Variants in AP4E1 observed in about 807,000 individuals in gnomAD.
AP4E1 encodes the protein AP-4 complex subunit epsilon-1.
AP4E1 carries 56 observed loss-of-function variants against 128.2 expected under a neutral mutation model. The observed-to-expected ratio is 0.44, with a 90% CI of 0.35 to 0.55. AP4E1 has a LOEUF of 0.55. Among genes scored for constraint, AP4E1 ranks in the 20% least tolerant of loss-of-function variants. The pLI is 0.00. For synonymous variants in AP4E1, 484 were observed against 473.1 expected (o/e 1.02, Z -0.30); for missense variants, 1,324 against 1,307.7 (o/e 1.01, Z -0.19).
chr15:50,982,475 T>A (rs2064657223), intron 15 of AP4E1, among the ~76,000 whole-genome samples: 2 of 152,210 alleles, frequency 1.3e-5, no homozygotes, highest in South Asian at 4.1e-4. Flanking sequence ...TCCTATTCCT[T>A]CTATATCTGA....
chr15:50,968,057 T>C (rs1188480473), intron 14 of AP4E1, among the ~76,000 whole-genome samples: 1 of 152,228 alleles, frequency 6.6e-6, no homozygotes, highest in African/African-American at 2.4e-5. Context: ...TGGCCTCAAG[T>C]GATCCGCCCA....
chr15:50,917,064 T>C (rs1254211946), intron 3 of AP4E1, among the ~76,000 whole-genome samples: 1 of 152,208 alleles, frequency 6.6e-6, no homozygotes, highest in East Asian at 1.9e-4. Flanking sequence ...GTCAGAATTT[T>C]CATATGTTAA....
chr15:50,950,735 A>G (rs2140864000), intron 13 of AP4E1, among the ~76,000 whole-genome samples: 1 of 152,268 alleles, frequency 6.6e-6, no homozygotes, highest in Non-Finnish European at 1.5e-5. Context: ...TATTAAGACT[A>G]GTACACAATA....
chr15:50,944,641 C>T (rs7176498), intron 10 of AP4E1: 72,302 of 324,876 alleles, frequency 0.22, 9,208 homozygotes, highest in East Asian at 0.4. Flanking sequence ...TCGTGGAGTC[C>T]GGCCAGAAGA....
At chr15:50,948,243 C>G (rs975492984) in intron 11 of AP4E1, 84 bp downstream of exon 11, 14 of 1,514,238 alleles carry the variant, frequency 9.2e-6, no homozygotes, top group Non-Finnish European at 9.1e-6. Context: ...TGGTCACTTG[C>G]AAGTCGAGTT....
intron 7 of AP4E1, among the ~76,000 whole-genome samples, chr15:50,931,639 T>C (rs1234568463): frequency 2.6e-5 from 4 of 152,168 alleles, no homozygotes; most frequent in Admixed American, 6.5e-5. Flanking sequence ...TTGCATCTAT[T>C]CGACTCTGCT....
intron 13 of AP4E1, among the ~76,000 whole-genome samples, chr15:50,957,431 A>G (rs2064239529): frequency 6.6e-6 from 1 of 152,052 alleles, no homozygotes; most frequent in Non-Finnish European, 1.5e-5. Flanking sequence ...TAGGCACAGG[A>G]TGGGGCAGGG....
Position 50,941,549 on chromosome 15 carries a change from A to C in AP4E1, c.1051A>C (p.Asn351His). ...AAAATTTGTTCTGTCACCTAAAATA[A>C]ATCTAAAATATTTAGGTAAGATGAT... ...IGKFVLSPKI[N>H]LKYLGLKALT... The change falls in exon 9 of 21, where the codon AAT becomes CAT. Residue 351 changes from asparagine to histidine, a missense_variant. Asn to His is a moderately conservative substitution (Grantham distance 68). Transcript: ENST00000261842. The C allele has an allele frequency of 6.2e-7, 1 of 1,612,956 alleles. No individual in the cohort carries two copies. The highest frequency in any genetic ancestry group is 1.1e-5 in the South Asian group (1 of 91,028).
chr15:50,992,982 A>G (rs866011076), intron 16 of AP4E1, among the ~76,000 whole-genome samples: 65 of 152,336 alleles, frequency 4.3e-4, no homozygotes, highest in Middle Eastern at 3.4e-3. Context: ...ATTCCTTCAT[A>G]TTGCTAAGAA....
chr15:50,924,418 A>G (rs142068337), intron 4 of AP4E1, among the ~76,000 whole-genome samples: 2 of 152,308 alleles, frequency 1.3e-5, no homozygotes, highest in Admixed American at 6.5e-5. Context: ...AGAATAGAAT[A>G]TAATCAAGTA....
chr15:50,978,768 A>C (rs1021243093), intron 15 of AP4E1, among the ~76,000 whole-genome samples: 12 of 152,164 alleles, frequency 7.9e-5, no homozygotes, highest in African/African-American at 2.9e-4. Context: ...TTCTTTCTGC[A>C]TACCATTTTT....
intron 15 of AP4E1, among the ~76,000 whole-genome samples, chr15:50,972,099 A>C (rs2064486520): frequency 6.6e-6 from 1 of 152,200 alleles, no homozygotes; most frequent in Non-Finnish European, 1.5e-5. Flanking sequence ...AGTGCAGTTT[A>C]AAGGGAAAGA....
chr15:50,983,751 T>G (rs963979786), intron 15 of AP4E1, among the ~76,000 whole-genome samples: 6 of 151,298 alleles, frequency 4.0e-5, no homozygotes, highest in Middle Eastern at 3.4e-3. Context: ...CCTAATTGAG[T>G]TTTTTTTTAG....
chr15:50,925,817 A>G (rs1218865544), intron 5 of AP4E1, among the ~76,000 whole-genome samples: 1 of 148,420 alleles, frequency 6.7e-6, no homozygotes, highest in Non-Finnish European at 1.5e-5. Context: ...TTTTTTTAAT[A>G]GAAACTGGGT....
At chr15:50,994,143 A>T (rs2064840939) in intron 17 of AP4E1, among the ~76,000 whole-genome samples, 2 of 152,248 alleles carry the variant, frequency 1.3e-5, no homozygotes. Context: ...AGTTTTATTT[A>T]TGCCTTGTTT....
chr15:50,948,219 G>A, intron 11 of AP4E1, 60 bp downstream of exon 11: 1 of 1,582,096 alleles, frequency 6.3e-7, no homozygotes, highest in Non-Finnish European at 8.6e-7. Flanking sequence ...ACTTTAAGAT[G>A]ATTGGTATAG....
intron 10 of AP4E1, 66 bp downstream of exon 10, chr15:50,941,841 G>T: frequency 8.2e-7 from 1 of 1,217,156 alleles, no homozygotes; most frequent in Non-Finnish European, 1.2e-6. Flanking sequence ...TTGGCATTGT[G>T]TAGAGAGATT....
Position 50,962,017 on chromosome 15 carries a change from A to AC in AP4E1, c.1851+3223_1851+3224insC, listed in dbSNP as rs1555458827. ...TACAACAGCTACAAAATAAATAAAT[A>AC]AATACAATACAATACAATACAATAC... is the stretch of plus-strand genomic sequence containing the variant. On this transcript the variant is annotated intron_variant, in intron 14 of 20. Coordinates refer to ENST00000261842, the MANE Select transcript of AP4E1 (RefSeq NM_007347.5). 1.9e-4 allele frequency among the ~76,000 whole-genome samples: 28 copies of AC among 150,970 alleles called. No individual in the cohort carries two copies. In the South Asian group the frequency reaches 2.1e-3, roughly 11 times the overall value.
chr15:50,953,334 C>T lies in AP4E1; in HGVS notation c.1548+3165C>T, dbSNP rs370774035. 5.9e-5 allele frequency among the ~76,000 whole-genome samples: 9 copies of T among 152,282 alleles called. No homozygotes were observed. The East Asian group carries it at 9.6e-4, about 16-fold the overall frequency. On this transcript the variant is annotated intron_variant, in intron 13 of 20. Transcript: ENST00000261842. ...CAGCATACAGGTCATGTACAGTCGG[C>T]CCCCTTATCTGTAGTTTTGCTTTCT...
Sources: allele counts gnomAD v4.1 joint callset (sites outside exome capture counted in the v4.1 genomes callset), GRCh38; gene constraint gnomAD v4.1.1; transcripts MANE v1.5; gene names NCBI Gene and HGNC (gene_info 2026-07-23, HGNC 2026-07-21).